Variants in CPEB3 observed in about 807,000 individuals in gnomAD.
CPEB3 encodes cytoplasmic polyadenylation element-binding protein 3.
Under a neutral mutation model 67.2 loss-of-function variants are expected in CPEB3, and 20 were observed. That is an observed-to-expected ratio of 0.30 (90% CI 0.21 to 0.43). The LOEUF is 0.43. Among genes scored for constraint, CPEB3 ranks in the 20% least tolerant of loss-of-function variants. CPEB3 has a pLI of 1.00. For missense variants in CPEB3, 746 were observed against 968.6 expected (o/e 0.77, Z 3.05); for synonymous variants, 376 against 393.1 (o/e 0.96, Z 0.51).
At chr10:92,135,454 C>T (rs978366010) in intron 6 of CPEB3, among the ~76,000 whole-genome samples, 1 of 152,168 alleles carries the variant, frequency 6.6e-6, no homozygotes, top group African/African-American at 2.4e-5. Flanking sequence ...ATCAAAACCA[C>T]AATGAGATAC....
rs112821431 is a variant in CPEB3, at chr10:92,128,905, T to C, written c.1453+14124A>G. 6.5e-3 allele frequency among the ~76,000 whole-genome samples: 983 copies of C among 152,284 alleles called. 9 individuals are homozygous for C. Among genetic ancestry groups the C allele is most frequent in the African/African-American group, 0.023 (945 of 41,570 alleles). On this transcript the variant is annotated intron_variant, in intron 6 of 9. Coordinates refer to ENST00000265997, the MANE Select transcript of CPEB3 (RefSeq NM_014912.5). ...ATACACTGCTGGTGGGAGTGTAAAT[T>C]AGTTCAGCCATTGTGGAAAACAGTG...
intron 9 of CPEB3, among the ~76,000 whole-genome samples, chr10:92,078,465 C>A (rs186906407): frequency 6.6e-6 from 1 of 152,142 alleles, no homozygotes; most frequent in Non-Finnish European, 1.5e-5. Context: ...GGACCTGAGG[C>A]TTCTGGCCTT....
rs575479498 is a variant in CPEB3, at chr10:92,082,078, C to T, written c.1688-577G>A. Among the ~76,000 whole-genome samples the T allele has an allele frequency of 1.3e-3, 199 of 152,304 alleles. 1 individual carries two copies. The Middle Eastern group carries it at 0.02, about 16-fold the overall frequency. ...CCCAACTGTGAACTCTCCATACTAA[C>T]CTTTCCCATTGAATTCTAAATAATA... On this transcript the variant is annotated intron_variant, in intron 8 of 9. Coordinates refer to ENST00000265997, the MANE Select transcript of CPEB3 (RefSeq NM_014912.5).
intron 1 of CPEB3, among the ~76,000 whole-genome samples, chr10:92,260,921 T>C (rs901125900): frequency 1.3e-5 from 2 of 152,180 alleles, no homozygotes; most frequent in Non-Finnish European, 2.9e-5. Flanking sequence ...TTGACTGTTT[T>C]TAAGATGATT....
At chr10:92,150,589 A>G (rs1468433449) in intron 4 of CPEB3, among the ~76,000 whole-genome samples, 1 of 152,186 alleles carries the variant, frequency 6.6e-6, no homozygotes, top group Non-Finnish European at 1.5e-5. Flanking sequence ...TCATGCATTC[A>G]TTTGATTGGC....
intron 4 of CPEB3, among the ~76,000 whole-genome samples, chr10:92,153,003 G>A (rs1262434830): frequency 6.6e-6 from 1 of 152,068 alleles, no homozygotes; most frequent in Non-Finnish European, 1.5e-5. Context: ...CCAAGACAGT[G>A]AAAAACTAGT....
chr10:92,186,209 AAAAAAAAAAAAAATAC>A (rs1848681124), intron 3 of CPEB3, among the ~76,000 whole-genome samples: 1 of 132,956 alleles, frequency 7.5e-6, no homozygotes. Flanking sequence ...CTGTCTCCAC[AAAAAAAAAAAAAATAC>A]AAAAAAAAAA....
At chr10:92,283,722 C>CTTTTTTTTTTTTTTT (rs869248048) in intron 1 of CPEB3, among the ~76,000 whole-genome samples, 1 of 108,952 alleles carries the variant, frequency 9.2e-6, no homozygotes, top group Non-Finnish European at 1.9e-5. Flanking sequence ...CTTTTTCTTT[C>CTTTTTTTTTTTTTTT]TTTTTTTTTT....
At chr10:92,075,428 G>T (rs1842896777) in intron 9 of CPEB3, among the ~76,000 whole-genome samples, 1 of 152,058 alleles carries the variant, frequency 6.6e-6, no homozygotes, top group Admixed American at 6.6e-5. Context: ...TGAAATACGG[G>T]ATGATTAAAA....
At chr10:92,231,125 A>G (rs1050397914) in intron 2 of CPEB3, among the ~76,000 whole-genome samples, 5 of 152,210 alleles carry the variant, frequency 3.3e-5, no homozygotes, top group Non-Finnish European at 7.3e-5. Flanking sequence ...AAGCACAAGC[A>G]GATAGTCACA....
At chr10:92,246,859 C>A (rs1411123900) in intron 1 of CPEB3, among the ~76,000 whole-genome samples, 1 of 152,120 alleles carries the variant, frequency 6.6e-6, no homozygotes, top group African/African-American at 2.4e-5. Flanking sequence ...TTATTCCTTT[C>A]AAAGTTATGA....
chr10:92,084,122 G>A (rs772214926), intron 8 of CPEB3, among the ~76,000 whole-genome samples: 6 of 138,400 alleles, frequency 4.3e-5, no homozygotes, highest in Non-Finnish European at 7.5e-5. Flanking sequence ...CCGAGATCAC[G>A]CCACTGCACT....
chr10:92,206,228 C>T lies in CPEB3; in HGVS notation c.1006-13592G>A, dbSNP rs146456012. Among the ~76,000 whole-genome samples the T allele has an allele frequency of 4.6e-4, 70 of 152,020 alleles. No homozygotes were observed. The East Asian group carries it at 0.012, about 27-fold the overall frequency. On this transcript the variant is annotated intron_variant, in intron 2 of 9. Transcript: ENST00000265997. ...CTGGGATTACAGGCACGCGCCACCA[C>T]GCCCGGCTAATTTTTTGTATTTTTA...
chr10:92,194,374 G>T (rs1385583800), intron 2 of CPEB3, among the ~76,000 whole-genome samples: 1 of 151,914 alleles, frequency 6.6e-6, no homozygotes, highest in Non-Finnish European at 1.5e-5. Flanking sequence ...GGGAGGCAGA[G>T]GTTGCCGTGA....
intron 2 of CPEB3, among the ~76,000 whole-genome samples, chr10:92,212,574 A>G (rs1395639362): frequency 6.6e-6 from 1 of 152,148 alleles, no homozygotes; most frequent in African/African-American, 2.4e-5. Context: ...TCATTGTCCA[A>G]TATAGTAGCC....
In CPEB3 at chr10:92,140,280, A is replaced by G. The variant is rs907379744; in HGVS notation, c.1453+2749T>C. 5.3e-5 allele frequency among the ~76,000 whole-genome samples: 8 copies of G among 152,218 alleles called. 1 individual carries two copies. Among genetic ancestry groups the G allele is most frequent in the Non-Finnish European group, 8.8e-5 (6 of 68,036 alleles). On this transcript the variant is annotated intron_variant, in intron 6 of 9. Transcript: ENST00000265997. ...AACAGCATGGTACTGGGACCAAAAC[A>G]GAGATATAGATCAATGGAACAGAAC...
intron 4 of CPEB3, among the ~76,000 whole-genome samples, chr10:92,170,495 C>T (rs1847950303): frequency 6.6e-6 from 1 of 152,226 alleles, no homozygotes; most frequent in Non-Finnish European, 1.5e-5. Flanking sequence ...CCACTTACAT[C>T]AGGTGATGTT....
At chr10:92,194,687 A>G (rs1010803293) in intron 2 of CPEB3, among the ~76,000 whole-genome samples, 1 of 152,154 alleles carries the variant, frequency 6.6e-6, no homozygotes, top group Non-Finnish European at 1.5e-5. Context: ...TCAGGAAACT[A>G]TCACCTACAA....
chr10:92,052,201 C>A lies in CPEB3; in HGVS notation c.*11G>T. The A allele has an allele frequency of 1.2e-6, 2 of 1,601,424 alleles. No individual in the cohort carries two copies. The highest frequency in any genetic ancestry group is 1.1e-5 in the South Asian group (1 of 90,516). On this transcript the variant is annotated 3_prime_UTR_variant, in exon 10 of 10. Coordinates refer to ENST00000265997, the MANE Select transcript of CPEB3 (RefSeq NM_014912.5). ...TCTACTCCAGTACTTGTGGCTGGGT[C>A]GGCCCGTGGCTCAGCTCCAGCGGAA...
Sources: gnomAD v4.1 joint callset for allele counts (sites outside exome capture counted in the v4.1 genomes callset) on GRCh38, gnomAD v4.1.1 for gene constraint, MANE v1.5 for transcripts, NCBI Gene and HGNC (gene_info 2026-07-23, HGNC 2026-07-21) for gene names.